Variants in PCDHGA4 observed in about 807,000 individuals in gnomAD.
PCDHGA4 encodes the protein protocadherin gamma subfamily A, 4, also known as protocadherin gamma-A4.
Under a neutral mutation model 54.6 loss-of-function variants are expected in PCDHGA4, and 38 were observed. That is an observed-to-expected ratio of 0.70 (90% CI 0.54 to 0.91). The LOEUF (loss-of-function observed/expected upper bound fraction) is 0.91, where lower values mean the gene tolerates loss of function less well. Ranked by LOEUF, PCDHGA4 falls within the 40% of genes least tolerant of loss-of-function variation. The pLI, the probability that PCDHGA4 is intolerant of heterozygous loss-of-function variation, is 0.00. For missense variants in PCDHGA4, 1,298 were observed against 1,220.9 expected (o/e 1.06, Z -0.94); for synonymous variants, 511 against 512.9 (o/e 1.00, Z 0.05).
intron 1 of PCDHGA4, among the ~76,000 whole-genome samples, chr5:141,363,031 T>C (rs1425666122): frequency 6.6e-6 from 1 of 152,248 alleles, no homozygotes; most frequent in Non-Finnish European, 1.5e-5. Context: ...CATTGTCCCA[T>C]TGACTTGAAG....
At chr5:141,408,955 T>G in intron 1 of PCDHGA4, 1 of 1,613,616 alleles carries the variant, frequency 6.2e-7, no homozygotes, top group South Asian at 1.1e-5. Flanking sequence ...GAATTAGTCT[T>G]AGTGAAAATC....
At chr5:141,450,796 G>GTATT (rs1490825772) in intron 1 of PCDHGA4, among the ~76,000 whole-genome samples, 8 of 145,976 alleles carry the variant, frequency 5.5e-5, no homozygotes, top group African/African-American at 1.8e-4. Flanking sequence ...CCTCATGATT[G>GTATT]TATTTATTTA....
chr5:141,391,198 C>T (rs2092314570), intron 1 of PCDHGA4: 1 of 152,156 alleles, frequency 6.6e-6, no homozygotes, highest in South Asian at 2.1e-4. Context: ...AAAATATATA[C>T]AAAATACCAA....
At chr5:141,415,462 C>T in intron 1 of PCDHGA4, 1 of 1,614,220 alleles carries the variant, frequency 6.2e-7, no homozygotes. Context: ...CGAGGTCTCT[C>T]TCACCGCGGA....
At position 141,469,759 on chromosome 5, in the gene PCDHGA4, T is replaced by C. The variant is rs192437401; in HGVS notation, c.2515-25048T>C. On this transcript the variant is annotated intron_variant, in intron 1 of 3. Coordinates refer to ENST00000571252, the MANE Select transcript of PCDHGA4 (RefSeq NM_018917.4). ...ACCTCAAAAATTACAAAAATACATATATACCAGCTTATTTATTACAGCGTT... is the reference window on the plus strand; with the variant it reads ...ACCTCAAAAATTACAAAAATACATACATACCAGCTTATTTATTACAGCGTT... 3.9e-3 allele frequency among the ~76,000 whole-genome samples: 591 copies of C among 152,310 alleles called. 6 individuals are homozygous for C. Among genetic ancestry groups the C allele is most frequent in the Admixed American group, 0.011 (171 of 15,298 alleles).
chr5:141,506,177 G>T (rs1024892091), intron 3 of PCDHGA4, among the ~76,000 whole-genome samples: 4 of 152,142 alleles, frequency 2.6e-5, no homozygotes, highest in African/African-American at 9.7e-5. Context: ...TAAGCTGGGC[G>T]TGGTGGCTCA....
At chr5:141,488,578 G>A (rs1286219713) in intron 1 of PCDHGA4, among the ~76,000 whole-genome samples, 2 of 152,178 alleles carry the variant, frequency 1.3e-5, no homozygotes, top group Non-Finnish European at 2.9e-5. Flanking sequence ...AGCATTGCTG[G>A]AGAGTCAGGG....
Position 141,432,097 on chromosome 5 carries a change from C to A in PCDHGA4, c.2515-62710C>A. The A allele has an allele frequency of 1.9e-6, 3 of 1,614,184 alleles. No individual in the cohort carries two copies. Among genetic ancestry groups the A allele is most frequent in the Non-Finnish European group, 1.7e-6 (2 of 1,180,034 alleles). On this transcript the variant is annotated intron_variant, in intron 1 of 3. Transcript: ENST00000571252. This position sits in a 1 kb window ranked among gnomAD's most constrained non-coding sequence, Gnocchi z 6.0. ...TCTCGCTGAACGTGGCAGACACCAA[C>A]GACAACCCGCCGGTCTTCCCTCAGG...
Position 141,393,710 on chromosome 5 carries a change from G to T in PCDHGA4, c.2514+36089G>T, listed in dbSNP as rs143738602. On this transcript the variant is annotated intron_variant, in intron 1 of 3. Transcript: ENST00000571252. Reference sequence around the variant, plus strand: ...TATTCCAGCTTAATGAAAATACTGGGGAAATATCAATAGCAAAAAGTCTAG... The same window carrying T: ...TATTCCAGCTTAATGAAAATACTGGTGAAATATCAATAGCAAAAAGTCTAG... 837 of 1,613,794 alleles carry T rather than the reference G, an allele frequency of 5.2e-4. 2 individuals carry two copies. In the African/African-American group the frequency reaches 1.0e-2, roughly 19 times the overall value.
At chr5:141,405,450 T>G in intron 1 of PCDHGA4, 7 of 1,286,684 alleles carry the variant, frequency 5.4e-6, no homozygotes, top group South Asian at 1.4e-5. Flanking sequence ...GACAGAGTCT[T>G]ACTCTGTTAC....
chr5:141,364,357 C>A, intron 1 of PCDHGA4: 2 of 1,556,048 alleles, frequency 1.3e-6, no homozygotes, highest in South Asian at 1.2e-5. Flanking sequence ...GGGGCTGGGG[C>A]TGCGGAGAGC....
At position 141,432,395 on chromosome 5, in the gene PCDHGA4, G is replaced by A; in HGVS notation, c.2515-62412G>A. 6.2e-7 allele frequency: 1 copy of A among 1,614,240 alleles called. No individual in the cohort carries two copies. ...CGGGCACCCGCCCCTCAGCAGCAAC[G>A]TGTCGTTGAGCCTGTTCGTGCTGGA... On this transcript the variant is annotated intron_variant, in intron 1 of 3. Coordinates refer to ENST00000571252, the MANE Select transcript of PCDHGA4 (RefSeq NM_018917.4). This position sits in a 1 kb window ranked among gnomAD's most constrained non-coding sequence, Gnocchi z 6.0.
At chr5:141,410,216 C>T in intron 1 of PCDHGA4, 1 of 1,614,002 alleles carries the variant, frequency 6.2e-7, no homozygotes, top group Non-Finnish European at 8.5e-7. Flanking sequence ...GCAAGAGATA[C>T]TGCCAGACCT....
At chr5:141,390,008 C>G in intron 1 of PCDHGA4, 1 of 1,614,038 alleles carries the variant, frequency 6.2e-7, no homozygotes, top group South Asian at 1.1e-5. Context: ...TGATTCTGGC[C>G]ATTGCCTTGC....
chr5:141,394,640 C>T (rs1316258017), intron 1 of PCDHGA4: 2 of 1,613,310 alleles, frequency 1.2e-6, no homozygotes, highest in Non-Finnish European at 1.7e-6. Flanking sequence ...ACCGCCTGCT[C>T]AAGGCCAGCG....
chr5:141,478,392 A>G, intron 1 of PCDHGA4: 1 of 1,613,560 alleles, frequency 6.2e-7, no homozygotes, highest in Non-Finnish European at 8.5e-7. Context: ...CTTTACCATC[A>G]GGTGTATCTC....
Position 141,388,371 on chromosome 5 carries a change from G to C in PCDHGA4, c.2514+30750G>C, listed in dbSNP as rs757960562. ...AGGATCTGCCCATGATGCGGATATT[G>C]GTAGCAACACACTGCAGAATTACCA... On this transcript the variant is annotated intron_variant, in intron 1 of 3. Transcript: ENST00000571252. 3.8e-5 allele frequency: 61 copies of C among 1,613,854 alleles called. No homozygotes were observed. In the South Asian group the frequency reaches 6.1e-4, roughly 16 times the overall value.
At chr5:141,357,719 C>T (rs935552148) in intron 1 of PCDHGA4, 98 bp downstream of exon 1, 5 of 1,429,472 alleles carry the variant, frequency 3.5e-6, no homozygotes, top group Admixed American at 5.2e-5. Context: ...AATAAAGTTG[C>T]CTCTTTTAAT....
chr5:141,485,260 G>C lies in PCDHGA4; in HGVS notation c.2515-9547G>C. ...TTTACCACCTGGGTTACGTTTGTGG[G>C]CAGATCCGCTACCCGGTCCCAGAGG... is the stretch of plus-strand genomic sequence containing the variant. On this transcript the variant is annotated intron_variant, in intron 1 of 3. Transcript: ENST00000571252. The surrounding 1 kb of genome is among the most constrained non-coding windows in gnomAD (Gnocchi z 5.7). 1 of 1,614,122 alleles carries C rather than the reference G, an allele frequency of 6.2e-7. No homozygotes were observed. The highest frequency in any genetic ancestry group is 8.5e-7 in the Non-Finnish European group (1 of 1,179,966).
Sources: gnomAD v4.1 joint callset for allele counts (sites outside exome capture counted in the v4.1 genomes callset) on GRCh38, gnomAD v4.1.1 for gene constraint, Gnocchi (gnomAD v3.1) non-coding constraint, MANE v1.5 for transcripts, NCBI Gene and HGNC (gene_info 2026-07-23, HGNC 2026-07-21) for gene names.